RANBP17: variants seen among roughly 807,000 people sequenced by gnomAD.
RANBP17 encodes the protein RAN binding protein 17.
Under a neutral mutation model 141.2 loss-of-function variants are expected in RANBP17, and 158 were observed. The observed-to-expected ratio is 1.12, with a 90% CI of 0.98 to 1.28. The LOEUF (loss-of-function observed/expected upper bound fraction) is 1.28, where lower values mean the gene tolerates loss of function less well. Among genes scored for constraint, RANBP17 ranks in the 50% most tolerant of loss-of-function variants. The probability of loss-of-function intolerance (pLI) is 0.00; values close to 1 mark genes in which losing one functional copy is unlikely to be tolerated. For synonymous variants in RANBP17, 430 were observed against 450.0 expected (o/e 0.96, Z 0.56); for missense variants, 1,438 against 1,290.7 (o/e 1.11, Z -1.75).
chr5:171,233,736 G>C (rs1220011420), intron 22 of RANBP17, among the ~76,000 whole-genome samples: 1 of 152,190 alleles, frequency 6.6e-6, no homozygotes, highest in African/African-American at 2.4e-5. Flanking sequence ...CCAGTGGTTA[G>C]GGGACAGTGA....
At chr5:171,088,155 G>T (rs1444412362) in intron 14 of RANBP17, among the ~76,000 whole-genome samples, 8 of 151,780 alleles carry the variant, frequency 5.3e-5, no homozygotes, top group African/African-American at 1.9e-4. Flanking sequence ...TTTAGGGCAG[G>T]CCTGGTGGTG....
rs77741839 is a variant in RANBP17 at position 170,892,615 on chromosome 5, G to A, written c.423+62G>A. 8,345 of 1,333,570 alleles carry A rather than the reference G, an allele frequency of 6.3e-3. 383 individuals are homozygous for A. The African/African-American group carries it at 0.1, about 16-fold the overall frequency. The allele number at this position is 1,333,570 out of a possible 1,614,324, so 82.6% of individuals were successfully genotyped here. A position where few individuals can be genotyped will look rare whatever the true frequency, so the allele number is the denominator to read the frequency against. ...CTTGCTTTTTTTGGTTTAGAATACT[G>A]CTCTTCTTAAAGCGATATAGTTTGT... On this transcript the variant is annotated intron_variant, in intron 4 of 27. Coordinates refer to ENST00000523189, the MANE Select transcript of RANBP17 (RefSeq NM_022897.5).
intron 14 of RANBP17, among the ~76,000 whole-genome samples, chr5:171,057,512 T>C (rs1581513456): frequency 6.6e-6 from 1 of 152,130 alleles, no homozygotes; most frequent in Non-Finnish European, 1.5e-5. Context: ...TTCATAGTAC[T>C]CCATTTTGTG....
At chr5:171,094,002 G>A (rs1417148073) in intron 14 of RANBP17, among the ~76,000 whole-genome samples, 1 of 152,136 alleles carries the variant, frequency 6.6e-6, no homozygotes, top group Non-Finnish European at 1.5e-5. Context: ...TAATCATTAG[G>A]TAGGAAGAGC....
intron 16 of RANBP17, among the ~76,000 whole-genome samples, chr5:171,177,789 AAT>A (rs1474901912): frequency 6.6e-5 from 10 of 152,138 alleles, no homozygotes; most frequent in African/African-American, 4.8e-5. Context: ...GTATGAATGT[AAT>A]ATAGTTTAGT....
intron 14 of RANBP17, among the ~76,000 whole-genome samples, chr5:171,140,825 C>T (rs776408374): frequency 2.6e-5 from 4 of 152,174 alleles, no homozygotes; most frequent in Non-Finnish European, 5.9e-5. Flanking sequence ...CCTCTTCATC[C>T]TACTCTTACA....
rs3080616 is a variant in RANBP17, at chr5:170,886,651, C to CTTTTT, written c.256+4774_256+4778dup. Among the ~76,000 whole-genome samples the CTTTTT allele has an allele frequency of 2.2e-4, 19 of 87,892 alleles. 1 individual carries two copies. The highest frequency in any genetic ancestry group is 6.7e-4 in the African/African-American group (15 of 22,472). 57.7% of individuals were successfully genotyped at this position (87,892 alleles called of 152,430 possible). On this transcript the variant is annotated intron_variant, in intron 3 of 27. Coordinates refer to ENST00000523189, the MANE Select transcript of RANBP17 (RefSeq NM_022897.5). ...ACACTACACCATTCATTTGAGGTGC[C>CTTTTT]TTTTTTTTTTTTTTTTTTTTTTTGA... is the stretch of plus-strand genomic sequence containing the variant.
At chr5:171,037,937 G>GT (rs1002258416) in intron 14 of RANBP17, among the ~76,000 whole-genome samples, 101 of 151,410 alleles carry the variant, frequency 6.7e-4, no homozygotes, top group African/African-American at 1.2e-3. Flanking sequence ...TTTTAGAATA[G>GT]TTTTTTTTTA....
chr5:171,230,452 G>T (rs1488134381), intron 22 of RANBP17, among the ~76,000 whole-genome samples: 2 of 152,098 alleles, frequency 1.3e-5, no homozygotes, highest in African/African-American at 4.8e-5. Flanking sequence ...AGTAACTTTT[G>T]GGTCAAAGTA....
chr5:170,974,680 C>A (rs11134674), intron 14 of RANBP17, among the ~76,000 whole-genome samples: 93,096 of 152,006 alleles, frequency 0.61, 29,903 homozygotes, highest in South Asian at 0.89. Context: ...ATTTTTGGAA[C>A]TGGAGGTGGC....
At chr5:171,005,742 A>G (rs1325650324) in intron 14 of RANBP17, among the ~76,000 whole-genome samples, 1 of 152,216 alleles carries the variant, frequency 6.6e-6, no homozygotes, top group Non-Finnish European at 1.5e-5. Context: ...GAATTGACAA[A>G]TGGGATCTAA....
At chr5:171,139,717 A>G (rs531971009) in intron 14 of RANBP17, among the ~76,000 whole-genome samples, 11 of 152,272 alleles carry the variant, frequency 7.2e-5, no homozygotes, top group Admixed American at 2.6e-4. Context: ...TTATACTCCT[A>G]ACTTGAATCC....
chr5:171,109,437 G>A (rs1442648651), intron 14 of RANBP17, among the ~76,000 whole-genome samples: 1 of 152,154 alleles, frequency 6.6e-6, no homozygotes, highest in Admixed American at 6.6e-5. Flanking sequence ...ATTTATTGAA[G>A]TTTTAATTGT....
intron 9 of RANBP17, among the ~76,000 whole-genome samples, chr5:170,918,484 G>T (rs1772163216): frequency 6.6e-6 from 1 of 151,626 alleles, no homozygotes. Flanking sequence ...TTGTGATGCA[G>T]ATCTTCTTCC....
At chr5:171,274,159 C>T (rs1252866969) in intron 25 of RANBP17, among the ~76,000 whole-genome samples, 28 of 141,580 alleles carry the variant, frequency 2.0e-4, no homozygotes, top group South Asian at 4.9e-4. Flanking sequence ...TGCGCGCGCG[C>T]GCGCGTGCGC....
At chr5:171,183,565 A>C in intron 18 of RANBP17, 135 bp downstream of exon 18, 1 of 628,194 alleles carries the variant, frequency 1.6e-6, no homozygotes, top group Non-Finnish European at 2.8e-6. Flanking sequence ...ACAACCTTCT[A>C]AGATTTGAGT....
At chr5:170,978,881 G>A (rs1004218235) in intron 14 of RANBP17, among the ~76,000 whole-genome samples, 3 of 152,084 alleles carry the variant, frequency 2.0e-5, no homozygotes, top group African/African-American at 7.2e-5. Context: ...ATTCATGGAA[G>A]CCTGGTGTGT....
chr5:171,277,670 T>TATATATATATACAC (rs1767605737), intron 25 of RANBP17, among the ~76,000 whole-genome samples: 1 of 138,790 alleles, frequency 7.2e-6, no homozygotes, highest in African/African-American at 2.7e-5. Context: ...TATATATATT[T>TATATATATATACAC]ATGTCTTACA....
chr5:170,900,794 G>A (rs1388918064), intron 5 of RANBP17, among the ~76,000 whole-genome samples: 1 of 152,156 alleles, frequency 6.6e-6, no homozygotes, highest in African/African-American at 2.4e-5. Context: ...TCAGGAGCAG[G>A]TTGTTCAGTT....
Sources: allele counts gnomAD v4.1 joint callset (sites outside exome capture counted in the v4.1 genomes callset), GRCh38; gene constraint gnomAD v4.1.1; transcripts MANE v1.5; gene names NCBI Gene and HGNC (gene_info 2026-07-23, HGNC 2026-07-21).